HACD3: variants seen among roughly 807,000 people sequenced by gnomAD.
HACD3 encodes 3-hydroxyacyl-CoA dehydratase 3.
Under a neutral mutation model 55.2 loss-of-function variants are expected in HACD3, and 30 were observed. The observed-to-expected ratio is 0.54, with a 90% confidence interval of 0.41 to 0.74. The LOEUF (loss-of-function observed/expected upper bound fraction) is 0.74. HACD3 is among the 30% of genes least tolerant of loss of function. The pLI, the probability that HACD3 is intolerant of heterozygous loss-of-function variation, is 0.00. For missense variants in HACD3, 363 were observed against 440.1 expected (o/e 0.82, Z 1.57); for synonymous variants, 141 against 151.7 (o/e 0.93, Z 0.52).
At chr15:65,567,780 A>G (rs889172914) in intron 7 of HACD3, among the ~76,000 whole-genome samples, 1 of 152,150 alleles carries the variant, frequency 6.6e-6, no homozygotes, top group African/African-American at 2.4e-5. Context: ...TGCTAAGTGA[A>G]ATAAGCCAGT....
chr15:65,535,965 C>T, intron 1 of HACD3: 1 of 421,810 alleles, frequency 2.4e-6, no homozygotes, highest in Non-Finnish European at 4.2e-6. Flanking sequence ...CCTGAGGTTA[C>T]AGGCTTGAAC....
intron 5 of HACD3, among the ~76,000 whole-genome samples, chr15:65,559,164 C>T (rs1245989597): frequency 6.6e-6 from 1 of 152,176 alleles, no homozygotes; most frequent in African/African-American, 2.4e-5. Context: ...TCTGTGTAGT[C>T]CTGCTATTCA....
chr15:65,571,034 G>A (rs1226099964), intron 8 of HACD3, among the ~76,000 whole-genome samples: 1 of 152,232 alleles, frequency 6.6e-6, no homozygotes, highest in Non-Finnish European at 1.5e-5. Context: ...ACACAGGAGA[G>A]TGAAAATCCA....
At chr15:65,558,566 C>T (rs2072215914) in intron 4 of HACD3, 114 bp from the exon 5 acceptor site, 3 of 956,848 alleles carry the variant, frequency 3.1e-6, no homozygotes, top group Non-Finnish European at 4.9e-6. Context: ...TGCACTGACC[C>T]CAACTGGAGG....
chr15:65,570,275 G>C, intron 8 of HACD3, 72 bp downstream of exon 8: 1 of 1,120,996 alleles, frequency 8.9e-7, no homozygotes, highest in South Asian at 1.4e-5. Context: ...TGAGGGAGTT[G>C]TTATCTTAGC....
At chr15:65,560,702 G>A (rs1008448439) in intron 5 of HACD3, among the ~76,000 whole-genome samples, 2 of 151,986 alleles carry the variant, frequency 1.3e-5, no homozygotes, top group Non-Finnish European at 2.9e-5. Flanking sequence ...TACTTGGGCG[G>A]TGAGGTGGGA....
chr15:65,533,047 T>C, intron 1 of HACD3, among the ~76,000 whole-genome samples: 1 of 152,260 alleles, frequency 6.6e-6, no homozygotes, highest in Admixed American at 6.5e-5. Context: ...ATGAGAATTA[T>C]TTTTGTCAAA....
Position 65,571,670 on chromosome 15 carries a change from C to T in HACD3, c.880+16C>T, listed in dbSNP as rs997106418. 1.3e-6 allele frequency: 2 copies of T among 1,586,826 alleles called. No individual in the cohort carries two copies. The highest frequency in any genetic ancestry group is 1.7e-6 in the Non-Finnish European group (2 of 1,155,688). On this transcript the variant is annotated intron_variant, in intron 9 of 10. Transcript: ENST00000261875. ...TTGGCGGAAGGTACTCTCAGGGACT[C>T]TTAGCTTTCATAGCTTAGCTCCAGG...
chr15:65,542,937 G>A (rs1296931748), intron 1 of HACD3, among the ~76,000 whole-genome samples: 1 of 152,020 alleles, frequency 6.6e-6, no homozygotes. Flanking sequence ...AGCTGGGTGC[G>A]ATGGCATGTG....
At chr15:65,539,608 T>C (rs2071999654) in intron 1 of HACD3, among the ~76,000 whole-genome samples, 1 of 152,150 alleles carries the variant, frequency 6.6e-6, no homozygotes, top group East Asian at 1.9e-4. Flanking sequence ...GCTGAAGTTG[T>C]ATGTCTTTAT....
In HACD3 at chr15:65,577,588, C is replaced by T. The variant is rs1471623317; in HGVS notation, c.*1209C>T. The T allele has an allele frequency of 1.3e-5, 2 of 152,224 alleles. No individual in the cohort carries two copies. Among genetic ancestry groups the T allele is most frequent in the African/African-American group, 4.8e-5 (2 of 41,450 alleles). 9.4% of individuals were successfully genotyped at this position (152,224 alleles called of 1,614,324 possible). A position where few individuals can be genotyped will look rare whatever the true frequency, so the allele number is the denominator to read the frequency against. The stretch of plus-strand genomic sequence containing the variant: ...ATATTAGAGTAGGCCAAACACACCT[C>T]CAAACTGTAAGGCTGTGCACAAACA... On this transcript the variant is annotated 3_prime_UTR_variant, in exon 11 of 11. Coordinates refer to ENST00000261875, the MANE Select transcript of HACD3 (RefSeq NM_016395.4).
intron 1 of HACD3, among the ~76,000 whole-genome samples, chr15:65,541,043 C>G (rs1205523750): frequency 6.6e-6 from 1 of 152,132 alleles, no homozygotes; most frequent in Non-Finnish European, 1.5e-5. Flanking sequence ...TAGATGACAA[C>G]TGAAATGATT....
At chr15:65,570,661 C>A (rs1291482509) in intron 8 of HACD3, among the ~76,000 whole-genome samples, 1 of 152,098 alleles carries the variant, frequency 6.6e-6, no homozygotes, top group African/African-American at 2.4e-5. Context: ...ACCCAATTTT[C>A]CCGTTCTCGG....
rs1448086198 is a variant in HACD3, at chr15:65,564,322, G to T, written c.640G>T (p.Val214Leu). Residue 214 changes from valine to leucine, a missense_variant, in exon 7 of 11, where the codon GTG (valine) becomes TTG (leucine). Transcript: ENST00000261875. ...NAAIGVTTSP[V>L]LPSLIQLLGR... is the part of the protein sequence containing the mutation. ...AGCAATTGGAGTCACTACGTCACCG[G>T]TGCTGCCTTCTCTGATCCAGGTATT... 1.2e-6 allele frequency: 2 copies of T among 1,613,340 alleles called. No homozygotes were observed. Among genetic ancestry groups the T allele is most frequent in the African/African-American group, 1.3e-5 (1 of 74,880 alleles).
At chr15:65,541,378 G>A (rs2072017421) in intron 1 of HACD3, among the ~76,000 whole-genome samples, 1 of 152,144 alleles carries the variant, frequency 6.6e-6, no homozygotes, top group African/African-American at 2.4e-5. Context: ...TATTTAAACT[G>A]TTAATGCTGT....
chr15:65,537,958 AATATATATATATATATATATATATAT>A (rs755882094), intron 1 of HACD3, among the ~76,000 whole-genome samples: 2 of 11,164 alleles, frequency 1.8e-4, no homozygotes, highest in African/African-American at 7.5e-4. Flanking sequence ...AAAAAAAAAA[AATATATATATATATATATATATATAT>A]ATATATATAT....
chr15:65,534,656 A>G (rs1370755671), intron 1 of HACD3, among the ~76,000 whole-genome samples: 1 of 152,188 alleles, frequency 6.6e-6, no homozygotes, highest in Non-Finnish European at 1.5e-5. Context: ...TACCTAACAG[A>G]GTCTGGTGGA....
intron 2 of HACD3, among the ~76,000 whole-genome samples, chr15:65,552,913 A>C (rs531177196): frequency 1.3e-5 from 2 of 150,476 alleles, no homozygotes; most frequent in East Asian, 3.9e-4. Context: ...TCATTGTTCA[A>C]TTCCCACCTA....
intron 1 of HACD3, among the ~76,000 whole-genome samples, chr15:65,549,403 T>C (rs1284457995): frequency 3.7e-5 from 5 of 136,620 alleles, no homozygotes; most frequent in African/African-American, 1.4e-4. Flanking sequence ...CTGACCAATA[T>C]GGTGTAATCC....
Sources: allele counts gnomAD v4.1 joint callset (sites outside exome capture counted in the v4.1 genomes callset), GRCh38; gene constraint gnomAD v4.1.1; transcripts MANE v1.5; gene names NCBI Gene and HGNC (gene_info 2026-07-23, HGNC 2026-07-21).